The following HAUS7 variants were observed in gnomAD, a reference collection of about 807,000 sequenced individuals.
HAUS7 encodes HAUS augmin-like complex subunit 7.
In HAUS7, 3 loss-of-function variants were observed where a neutral mutation model predicts 28.4. That is an observed-to-expected ratio of 0.11 (90% CI 0.05 to 0.27). The LOEUF is 0.27. Ranked by LOEUF, HAUS7 falls within the 10% of genes least tolerant of loss-of-function variation. The probability of loss-of-function intolerance (pLI) is 1.00; values close to 1 mark genes in which losing one functional copy is unlikely to be tolerated. For missense variants in HAUS7, 284 were observed against 297.3 expected, an observed-to-expected ratio of 0.96 and a Z score of 0.33; for synonymous variants, 165 against 132.1, an observed-to-expected ratio of 1.25 and a Z score of -1.71.
chrX:153,457,086 G>T, intron 5 of HAUS7, 51 bp downstream of exon 5: 2 of 821,429 alleles, frequency 2.4e-6, no homozygotes, highest in Non-Finnish European at 3.7e-6. Flanking sequence ...CCAGAACTAG[G>T]ACCAAGAGAA....
At chrX:153,486,782 C>T in intron 1 of HAUS7, 1 of 983,202 alleles carries the variant, frequency 1.0e-6, no homozygotes. Flanking sequence ...GTCCTCCAGC[C>T]CCAGCGGCGG....
At position 153,457,127 on chromosome X, in the gene HAUS7, A is replaced by G. The variant is rs2089324052; in HGVS notation, c.446+10T>C. The G allele has an allele frequency of 2.6e-6, 3 of 1,132,672 alleles. No homozygotes were observed. The Admixed American group carries it at 6.5e-5, about 25-fold the overall frequency. The allele number at this position is 1,132,672 out of a possible 1,213,427, so 93.3% of individuals were successfully genotyped here. ...TCAATACTGCCCACCTGGGCCATCC[A>G]CACCTTTACCTCGAGCAACTGGAGC... On this transcript the variant is annotated intron_variant, in intron 5 of 9. Coordinates refer to ENST00000370211, the MANE Select transcript of HAUS7 (RefSeq NM_001385482.1).
At chrX:153,466,403 G>A (rs2089455514) in intron 2 of HAUS7, among the ~76,000 whole-genome samples, 1 of 112,221 alleles carries the variant, frequency 8.9e-6, no homozygotes, top group Non-Finnish European at 1.9e-5. Flanking sequence ...GGCAGAGCAG[G>A]AACAGAAAAT....
intron 3 of HAUS7, 31 bp downstream of exon 3, chrX:153,464,957 C>A (rs782286487): frequency 1.9e-6 from 2 of 1,046,022 alleles, no homozygotes; most frequent in East Asian, 6.1e-5. Context: ...AGGCTGTGGA[C>A]AAGCTCAGAA....
At position 153,459,010 on chromosome X, in the gene HAUS7, G is replaced by A. The variant is rs181617621; in HGVS notation, c.355-1782C>T. The stretch of plus-strand genomic sequence containing the variant: ...TGAGCTCAAGCGATCCTCCTGCCTC[G>A]GCCTCCCAAAGTGCTGGGATTACAG... On this transcript the variant is annotated intron_variant, in intron 4 of 9. Coordinates refer to ENST00000370211, the MANE Select transcript of HAUS7 (RefSeq NM_001385482.1). Among the ~76,000 whole-genome samples, 37 of 111,794 alleles carry A rather than the reference G, an allele frequency of 3.3e-4. 1 individual carries two copies. Among genetic ancestry groups the A allele is most frequent in the African/African-American group, 7.2e-4 (22 of 30,769 alleles).
chrX:153,456,665 C>A lies in HAUS7; in HGVS notation c.447-14G>T, dbSNP rs1556982313. On this transcript the variant is annotated splice_polypyrimidine_tract_variant and intron_variant, in intron 5 of 9. Coordinates refer to ENST00000370211, the MANE Select transcript of HAUS7 (RefSeq NM_001385482.1). Reference sequence around the variant, plus strand: ...TGCTCCATCAGGCTGCAAAGGCAGCCCCCAGGGCCACACCGTCACAGGCCA... The same window carrying A: ...TGCTCCATCAGGCTGCAAAGGCAGCACCCAGGGCCACACCGTCACAGGCCA... 5 of 1,158,953 alleles carry A rather than the reference C, an allele frequency of 4.3e-6. No individual in the cohort carries two copies. The East Asian group carries it at 1.3e-4, about 30-fold the overall frequency.
intron 1 of HAUS7, among the ~76,000 whole-genome samples, chrX:153,490,868 A>C (rs1034767612): frequency 1.8e-5 from 2 of 111,872 alleles, no homozygotes; most frequent in Non-Finnish European, 3.8e-5. Context: ...GGCACATAGC[A>C]CTTGTCACCT....
intron 3 of HAUS7, among the ~76,000 whole-genome samples, chrX:153,464,429 G>A (rs1038497182): frequency 1.8e-5 from 2 of 112,381 alleles, no homozygotes; most frequent in African/African-American, 6.5e-5. Flanking sequence ...GCTGGGGCAC[G>A]GATCAGGACT....
intron 1 of HAUS7, among the ~76,000 whole-genome samples, chrX:153,493,922 C>A (rs2089688124): frequency 8.9e-6 from 1 of 112,431 alleles, no homozygotes; most frequent in Non-Finnish European, 1.9e-5. Flanking sequence ...CCCTCTCTGC[C>A]CCTTCGAGCT....
intron 9 of HAUS7, among the ~76,000 whole-genome samples, chrX:153,452,082 A>C (rs2089245917): frequency 8.9e-6 from 1 of 112,794 alleles, no homozygotes; most frequent in Non-Finnish European, 1.9e-5. Context: ...GACTCATCAT[A>C]TACCAGCTGG....
Position 153,455,618 on chromosome X carries a change from T to C in HAUS7, c.854A>G (p.Gln285Arg), listed in dbSNP as rs2089296034. 1 of 1,209,308 alleles carries C rather than the reference T, an allele frequency of 8.3e-7. No individual in the cohort carries two copies. Residue 285 changes from glutamine to arginine, a missense_variant, in exon 8 of 10, where the codon CAG (glutamine) becomes CGG (arginine). Physicochemically the swap from Gln to Arg is conservative, Grantham distance 43. Coordinates refer to ENST00000370211, the MANE Select transcript of HAUS7 (RefSeq NM_001385482.1). ...VYDDELGECC[Q>R]RPGPDLHPCG... is the part of the protein sequence containing the mutation. ...CGGGTGGAGGTCAGGGCCTGGGCGC[T>C]GGCAGCACTCGCCCAGCTCGTCGTC...
chrX:153,473,356 C>T (rs2089541940), upstream of HAUS7, among the ~76,000 whole-genome samples: 1 of 112,682 alleles, frequency 8.9e-6, no homozygotes, highest in African/African-American at 3.2e-5. Flanking sequence ...GGAGCCACCC[C>T]ACCTGGGGGC....
intron 1 of HAUS7, chrX:153,482,488 G>A (rs1414545328): frequency 7.9e-6 from 6 of 754,755 alleles, no homozygotes; most frequent in East Asian, 1.5e-4. Context: ...GGCAGGGACC[G>A]AGGGGGCAGG....
intron 1 of HAUS7, among the ~76,000 whole-genome samples, chrX:153,485,499 G>A (rs782082082): frequency 1.8e-5 from 2 of 112,126 alleles, no homozygotes; most frequent in Non-Finnish European, 3.8e-5. Flanking sequence ...AGCAGGTATC[G>A]CTAGCCCTGC....
intron 1 of HAUS7, among the ~76,000 whole-genome samples, chrX:153,487,939 C>G (rs925357977): frequency 8.9e-6 from 1 of 112,811 alleles, no homozygotes; most frequent in Non-Finnish European, 1.9e-5. Context: ...CCCTGGGAAC[C>G]GGATGGGTTT....
intron 4 of HAUS7, among the ~76,000 whole-genome samples, chrX:153,460,375 C>T (rs111375446): frequency 2.7e-5 from 3 of 111,523 alleles, no homozygotes; most frequent in South Asian, 3.7e-4. Flanking sequence ...CTAAATCGTA[C>T]GCTTTAACGC....
intron 9 of HAUS7, among the ~76,000 whole-genome samples, chrX:153,449,280 A>C (rs1296542522): frequency 8.9e-6 from 1 of 112,030 alleles, no homozygotes; most frequent in Non-Finnish European, 1.9e-5. Context: ...GCCCATCCCG[A>C]GGGTGACTCT....
chrX:153,487,733 T>A (rs144569485), intron 1 of HAUS7, among the ~76,000 whole-genome samples: 1,943 of 112,633 alleles, frequency 0.017, 14 homozygotes, highest in Non-Finnish European at 0.027. Flanking sequence ...GGCCAGAGTT[T>A]CTGACTGTCT....
chrX:153,478,218 C>T lies in HAUS7; in HGVS notation c.-588-7073G>A, dbSNP rs781850303. Among the ~76,000 whole-genome samples the T allele has an allele frequency of 1.2e-4, 14 of 112,797 alleles. No individual in the cohort carries two copies. In the South Asian group the frequency reaches 5.1e-3, roughly 41 times the overall value. ...CCCCCGCCTGCCTGCTCCCACAAAC[C>T]CTGGCTCCCACAGCAGAACGCGGGG... On this transcript the variant is annotated intron_variant, in intron 1 of 5. Transcript: ENST00000370210.
Sources: allele counts gnomAD v4.1 joint callset (sites outside exome capture counted in the v4.1 genomes callset), GRCh38; gene constraint gnomAD v4.1.1; transcripts MANE v1.5; gene names NCBI Gene and HGNC (gene_info 2026-07-23, HGNC 2026-07-21).